The following TMED8 variants were observed in gnomAD, a reference collection of about 807,000 sequenced individuals.
The protein encoded by TMED8 is protein TMED8.
Under a neutral mutation model 32.7 loss-of-function variants are expected in TMED8, and 15 were observed. The observed-to-expected ratio is 0.46, with a 90% CI of 0.31 to 0.71. TMED8 has a LOEUF of 0.71. Among genes scored for constraint, TMED8 ranks in the 30% least tolerant of loss-of-function variants. TMED8 has a pLI of 0.06. For synonymous variants in TMED8, 147 were observed against 161.4 expected, an observed-to-expected ratio of 0.91 and a Z score of 0.68; for missense variants, 390 against 423.9, an observed-to-expected ratio of 0.92 and a Z score of 0.70.
Position 77,341,559 on chromosome 14 carries a change from T to G in TMED8, c.*212A>C. ...GAGTCTGAAGCAAGAAGGGTATGAG[T>G]CAGGGACTACAGAACAGGGGCACTA... On this transcript the variant is annotated 3_prime_UTR_variant, in exon 6 of 6. Transcript: ENST00000216468. 1.7e-6 allele frequency: 1 copy of G among 589,716 alleles called. No homozygotes were observed. 36.5% of individuals were successfully genotyped at this position (589,716 alleles called of 1,614,324 possible).
At chr14:77,373,948 C>T (rs1449091346) in intron 1 of TMED8, among the ~76,000 whole-genome samples, 1 of 152,194 alleles carries the variant, frequency 6.6e-6, no homozygotes, top group African/African-American at 2.4e-5. Context: ...TACCTGCTCC[C>T]CCTTTCAGTA....
At chr14:77,347,770 C>A (rs934595577) in intron 2 of TMED8, among the ~76,000 whole-genome samples, 2 of 152,298 alleles carry the variant, frequency 1.3e-5, no homozygotes, top group Middle Eastern at 3.4e-3. Context: ...CCTGGCCTCA[C>A]AAAAACTAGA....
intron 1 of TMED8, among the ~76,000 whole-genome samples, chr14:77,368,420 T>C (rs1655956728): frequency 6.6e-6 from 1 of 152,186 alleles, no homozygotes; most frequent in Non-Finnish European, 1.5e-5. Context: ...TTTTGTGAAG[T>C]GCCTCTCCAA....
intron 1 of TMED8, among the ~76,000 whole-genome samples, chr14:77,372,924 ATATATATATATATATATATATATATATAT>A (rs1324676607): frequency 5.7e-4 from 13 of 22,982 alleles, no homozygotes; most frequent in Admixed American, 1.3e-3. Flanking sequence ...ATATATATAT[ATATATATATATATATATATATATATATAT>A]TTTTTTTTTT....
intron 1 of TMED8, among the ~76,000 whole-genome samples, chr14:77,360,273 G>C (rs1180057076): frequency 6.6e-6 from 1 of 151,948 alleles, no homozygotes; most frequent in Non-Finnish European, 1.5e-5. Context: ...TTGTACATTA[G>C]ATCTCTAGAC....
intron 5 of TMED8, among the ~76,000 whole-genome samples, chr14:77,342,708 G>T (rs1892934616): frequency 6.6e-6 from 1 of 152,202 alleles, no homozygotes; most frequent in Non-Finnish European, 1.5e-5. Flanking sequence ...ACTTGTCTGG[G>T]CATGAAGTAA....
intron 1 of TMED8, among the ~76,000 whole-genome samples, chr14:77,358,455 C>A (rs560338954): frequency 1.3e-5 from 2 of 152,078 alleles, no homozygotes; most frequent in African/African-American, 4.8e-5. Flanking sequence ...CATGCCACCA[C>A]GCCCAGCTAA....
Position 77,372,930 on chromosome 14 carries a change from A to T in TMED8, c.118+4006T>A, listed in dbSNP as rs1267885622. Among the ~76,000 whole-genome samples, 164 of 28,796 alleles carry T rather than the reference A, an allele frequency of 5.7e-3. 8 individuals carry two copies. The highest frequency in any genetic ancestry group is 6.7e-3 in the Non-Finnish European group (114 of 17,084). 18.9% of individuals were successfully genotyped at this position (28,796 alleles called of 152,430 possible). ...ATTATATATATATATATATATATAT[A>T]TATATATATATATATATATATATTT... On this transcript the variant is annotated intron_variant, in intron 1 of 5. Coordinates refer to ENST00000216468, the MANE Select transcript of TMED8 (RefSeq NM_213601.3).
intron 1 of TMED8, among the ~76,000 whole-genome samples, chr14:77,358,100 G>A (rs1367247195): frequency 6.8e-6 from 1 of 148,122 alleles, no homozygotes; most frequent in Admixed American, 6.7e-5. Context: ...CTCCAGCCTG[G>A]GTGATGGAGT....
rs1892735064 is a variant in TMED8, at chr14:77,335,288, C to CAGATGTTG, written c.*6475_*6482dup. 3 of 152,268 alleles carry CAGATGTTG rather than the reference C, an allele frequency of 2.0e-5. No homozygotes were observed. The highest frequency in any genetic ancestry group is 4.1e-4 in the South Asian group (2 of 4,822). The allele number at this position is 152,268 out of a possible 1,614,324, so 9.4% of individuals were successfully genotyped here. ...AATTTGGTAAGACTCTTAGAAATCA[C>CAGATGTTG]AGATGTTGATAGCATTTCTCATGAT... On this transcript the variant is annotated 3_prime_UTR_variant, in exon 6 of 6. Transcript: ENST00000216468.
At position 77,339,133 on chromosome 14, in the gene TMED8, C is replaced by CAT. The variant is rs1185589746; in HGVS notation, c.*2637_*2638insAT. The CAT allele has an allele frequency of 6.6e-6, 1 of 152,188 alleles. No individual in the cohort carries two copies. Among genetic ancestry groups the CAT allele is most frequent in the Non-Finnish European group, 1.5e-5 (1 of 68,040 alleles). The allele number at this position is 152,188 out of a possible 1,614,324, so 9.4% of individuals were successfully genotyped here. A position where few individuals can be genotyped will look rare whatever the true frequency, so the allele number is the denominator to read the frequency against. On this transcript the variant is annotated 3_prime_UTR_variant, in exon 6 of 6. Coordinates refer to ENST00000216468, the MANE Select transcript of TMED8 (RefSeq NM_213601.3). ...CTGGGCTGTGGGTTCTCAGTAATTA[C>CAT]CTGTGCTTCAGTAAGTAGTATCTTG...
intron 1 of TMED8, among the ~76,000 whole-genome samples, chr14:77,365,857 A>G (rs959918828): frequency 2.0e-5 from 3 of 152,174 alleles, no homozygotes; most frequent in African/African-American, 7.2e-5. Context: ...GTACAATTCT[A>G]TGGCAGCCAT....
chr14:77,357,284 TA>T (rs1462420307), intron 1 of TMED8, among the ~76,000 whole-genome samples: 2 of 152,210 alleles, frequency 1.3e-5, no homozygotes, highest in Non-Finnish European at 2.9e-5. Context: ...AGTTTAATGA[TA>T]AAAAGATTAG....
chr14:77,346,795 T>A (rs1456194509), intron 2 of TMED8, among the ~76,000 whole-genome samples: 1 of 139,382 alleles, frequency 7.2e-6, no homozygotes, highest in Non-Finnish European at 1.6e-5. Context: ...GTCATTGTTG[T>A]TTCTTTTATT....
chr14:77,374,944 A>C (rs1190308124), intron 1 of TMED8, among the ~76,000 whole-genome samples: 2 of 152,240 alleles, frequency 1.3e-5, no homozygotes, highest in Non-Finnish European at 2.9e-5. Context: ...ACAATTATAG[A>C]CTTCATCATA....
chr14:77,360,442 G>A (rs1046636142), intron 1 of TMED8, among the ~76,000 whole-genome samples: 16 of 151,180 alleles, frequency 1.1e-4, no homozygotes, highest in African/African-American at 3.4e-4. Flanking sequence ...AAGAGAGATC[G>A]AGCAGTATTT....
chr14:77,369,548 T>G (rs1264306189), intron 1 of TMED8, among the ~76,000 whole-genome samples: 1 of 152,178 alleles, frequency 6.6e-6, no homozygotes, highest in Non-Finnish European at 1.5e-5. Context: ...TCCTGTTACT[T>G]TAGTTCAAAG....
At chr14:77,369,913 T>C (rs1283750071) in intron 1 of TMED8, among the ~76,000 whole-genome samples, 1 of 152,020 alleles carries the variant, frequency 6.6e-6, no homozygotes, top group African/African-American at 2.4e-5. Context: ...GGCTCATGCC[T>C]GTAAGGGAGG....
intron 1 of TMED8, among the ~76,000 whole-genome samples, chr14:77,372,929 T>TAC (rs1893712324): frequency 3.1e-5 from 1 of 31,966 alleles, no homozygotes; most frequent in African/African-American, 2.0e-4. Flanking sequence ...TATATATATA[T>TAC]ATATATATAT....
Sources: gnomAD v4.1 joint callset for allele counts (sites outside exome capture counted in the v4.1 genomes callset) on GRCh38, gnomAD v4.1.1 for gene constraint, MANE v1.5 for transcripts, NCBI Gene and HGNC (gene_info 2026-07-23, HGNC 2026-07-21) for gene names.